Variants in PPFIBP1 observed in about 807,000 individuals in gnomAD.
The protein encoded by PPFIBP1 is PPFIB scaffold protein 1.
PPFIBP1 carries 112 observed loss-of-function variants against 137.8 expected under a neutral mutation model. That is an observed-to-expected ratio of 0.81 (90% CI 0.70 to 0.95). The LOEUF is 0.95. Among genes scored for constraint, PPFIBP1 ranks in the 40% least tolerant of loss-of-function variants. The pLI is 0.00. For synonymous variants in PPFIBP1, 378 were observed against 417.3 expected, an observed-to-expected ratio of 0.91 and a Z score of 1.15; for missense variants, 1,083 against 1,196.6, an observed-to-expected ratio of 0.91 and a Z score of 1.40.
chr12:27,527,528 C>T (rs1283057528), intron 1 of PPFIBP1, among the ~76,000 whole-genome samples: 3 of 152,112 alleles, frequency 2.0e-5, no homozygotes, highest in Admixed American at 1.3e-4. Flanking sequence ...CATGAGTGAG[C>T]CCTGGGTGCC....
At chr12:27,659,548 G>C (rs2059414791) in intron 10 of PPFIBP1, among the ~76,000 whole-genome samples, 1 of 151,982 alleles carries the variant, frequency 6.6e-6, no homozygotes, top group South Asian at 2.1e-4. Flanking sequence ...CAGGCATCTA[G>C]GAGTTTGAGG....
At chr12:27,622,083 C>G (rs2056394653) in intron 2 of PPFIBP1, among the ~76,000 whole-genome samples, 1 of 152,170 alleles carries the variant, frequency 6.6e-6, no homozygotes, top group Admixed American at 6.5e-5. Context: ...TAACAGTTTT[C>G]CACTTGCCGT....
Position 27,666,501 on chromosome 12 carries a change from T to C in PPFIBP1, c.992-665T>C, listed in dbSNP as rs895503870. On this transcript the variant is annotated intron_variant, in intron 12 of 29. Coordinates refer to ENST00000228425, the MANE Select transcript of PPFIBP1 (RefSeq NM_003622.4). ...TAGCGTGTTAAGTATCATTTTTTTC[T>C]GTTTTTAAAAAAGAATATCTGGCAC... is the stretch of plus-strand genomic sequence containing the variant. Among the ~76,000 whole-genome samples the C allele has an allele frequency of 2.6e-5, 4 of 152,368 alleles. No individual in the cohort carries two copies. In the East Asian group the frequency reaches 7.7e-4, roughly 29 times the overall value.
chr12:27,595,842 G>A (rs913505714), intron 2 of PPFIBP1, among the ~76,000 whole-genome samples: 6 of 129,464 alleles, frequency 4.6e-5, no homozygotes, highest in African/African-American at 1.2e-4. Flanking sequence ...CAACAACAGC[G>A]ACACTCTGAT....
chr12:27,640,074 A>C (rs1473687307), intron 4 of PPFIBP1, among the ~76,000 whole-genome samples: 3 of 152,210 alleles, frequency 2.0e-5, no homozygotes, highest in African/African-American at 7.2e-5. Flanking sequence ...GAGACATCCT[A>C]GCTAAAATTA....
At chr12:27,692,569 T>C (rs764384137) in intron 28 of PPFIBP1, 22 bp from the exon 29 acceptor site, 2 of 1,609,276 alleles carry the variant, frequency 1.2e-6, no homozygotes, top group South Asian at 1.1e-5. Context: ...ACTTATGTCA[T>C]GTTATGGTTT....
At chr12:27,608,210 A>G (rs1326030339) in intron 2 of PPFIBP1, among the ~76,000 whole-genome samples, 1 of 152,200 alleles carries the variant, frequency 6.6e-6, no homozygotes, top group Non-Finnish European at 1.5e-5. Flanking sequence ...AGTCTTTCAC[A>G]GCATAATGCA....
intron 1 of PPFIBP1, among the ~76,000 whole-genome samples, chr12:27,560,363 T>C (rs938695063): frequency 6.6e-6 from 1 of 152,180 alleles, no homozygotes; most frequent in Non-Finnish European, 1.5e-5. Context: ...TGGGGTTCTT[T>C]GTAGCAAAAC....
intron 1 of PPFIBP1, among the ~76,000 whole-genome samples, chr12:27,561,104 G>A (rs1373476292): frequency 1.3e-5 from 2 of 152,178 alleles, no homozygotes; most frequent in Non-Finnish European, 2.9e-5. Context: ...TAACATAGTG[G>A]GGTATAGGGA....
In PPFIBP1 at chr12:27,682,448, G is replaced by A. The variant is rs747585339; in HGVS notation, c.2108G>A (p.Gly703Glu). The A allele has an allele frequency of 1.2e-6, 2 of 1,614,132 alleles. No homozygotes were observed. The highest frequency in any genetic ancestry group is 1.1e-5 in the South Asian group (1 of 91,068). The change falls in exon 23 of 30, where the codon GGA becomes GAA. Residue 703 changes from glycine (G) to glutamate (E), a missense_variant. By Grantham distance (98) the Gly-to-Glu change is moderately conservative. Coordinates refer to ENST00000228425, the MANE Select transcript of PPFIBP1 (RefSeq NM_003622.4). ...CTCCAGCTAGCACTCCAAGCCCTGGGATCTGAAGAAGAAACCAATCATGGG... is the reference window on the plus strand; with the variant it reads ...CTCCAGCTAGCACTCCAAGCCCTGGAATCTGAAGAAGAAACCAATCATGGG... ...KKLQLALQALGSEEETNHGKL... is the reference protein window; with the variant it reads ...KKLQLALQALESEEETNHGKL...
intron 9 of PPFIBP1, among the ~76,000 whole-genome samples, chr12:27,657,745 A>G (rs894919304): frequency 6.6e-6 from 1 of 152,022 alleles, no homozygotes; most frequent in African/African-American, 2.4e-5. Flanking sequence ...ACTGTTTGGC[A>G]TATATATAAT....
At chr12:27,687,559 T>C (rs1364663613) in intron 25 of PPFIBP1, 52 bp downstream of exon 25, 1 of 1,551,464 alleles carries the variant, frequency 6.4e-7, no homozygotes, top group African/African-American at 1.4e-5. Context: ...GGCATGGGAC[T>C]GTCCATGTGT....
chr12:27,599,347 C>T (rs2053695506), intron 2 of PPFIBP1: 1 of 403,672 alleles, frequency 2.5e-6, no homozygotes, highest in South Asian at 1.9e-5. Flanking sequence ...CTCCTGGAAT[C>T]AGACTGGCAC....
intron 2 of PPFIBP1, among the ~76,000 whole-genome samples, chr12:27,631,697 G>A (rs1311786581): frequency 6.6e-6 from 1 of 152,110 alleles, no homozygotes; most frequent in African/African-American, 2.4e-5. Flanking sequence ...CATTTGAAAG[G>A]CTCATTAAAT....
At chr12:27,595,893 A>AGC (rs2053216319) in intron 2 of PPFIBP1, among the ~76,000 whole-genome samples, 1 of 84,388 alleles carries the variant, frequency 1.2e-5, no homozygotes, top group African/African-American at 4.3e-5. Flanking sequence ...CAAAATATAT[A>AGC]TATATATATA....
intron 24 of PPFIBP1, among the ~76,000 whole-genome samples, chr12:27,685,230 TAC>T (rs1177134122): frequency 6.7e-6 from 1 of 149,620 alleles, no homozygotes; most frequent in South Asian, 2.1e-4. Context: ...TATATATATA[TAC>T]ACACACATAC....
intron 27 of PPFIBP1, 38 bp from the exon 28 acceptor site, chr12:27,691,711 A>C: frequency 1.9e-6 from 3 of 1,562,164 alleles, no homozygotes; most frequent in Non-Finnish European, 2.6e-6. Context: ...GAATTTTATC[A>C]AATCCTTTGG....
intron 2 of PPFIBP1, among the ~76,000 whole-genome samples, chr12:27,602,755 G>A (rs2054130697): frequency 6.6e-6 from 1 of 152,016 alleles, no homozygotes. Flanking sequence ...ACTACCCCAG[G>A]GTATAGGTTA....
At chr12:27,681,778 A>AG (rs1197068057) in intron 22 of PPFIBP1, 82 bp downstream of exon 22, 5 of 1,477,326 alleles carry the variant, frequency 3.4e-6, no homozygotes, top group Non-Finnish European at 4.6e-6. Flanking sequence ...TAGTCCAGAA[A>AG]GGGCCATGAG....
Sources: gnomAD v4.1 joint callset for allele counts (sites outside exome capture counted in the v4.1 genomes callset) on GRCh38, gnomAD v4.1.1 for gene constraint, MANE v1.5 for transcripts, NCBI Gene and HGNC (gene_info 2026-07-23, HGNC 2026-07-21) for gene names.